The following SCN8A variants were observed in gnomAD, a reference collection of about 807,000 sequenced individuals.
SCN8A encodes sodium voltage-gated channel alpha subunit 8.
In SCN8A, 30 loss-of-function variants were observed where a neutral mutation model predicts 184.1. That is an observed-to-expected ratio of 0.16 (90% confidence interval 0.12 to 0.22). The LOEUF (loss-of-function observed/expected upper bound fraction) is 0.22, where lower values mean the gene tolerates loss of function less well. Ranked by LOEUF, SCN8A falls within the 10% of genes least tolerant of loss-of-function variation. The pLI is 1.00. For missense variants in SCN8A, 1,057 were observed against 2,498.9 expected, an observed-to-expected ratio of 0.42 and a Z score of 12.30; for synonymous variants, 852 against 907.0, an observed-to-expected ratio of 0.94 and a Z score of 1.09.
At chr12:51,796,528 A>G (rs950765447) in intron 26 of SCN8A, among the ~76,000 whole-genome samples, 4 of 152,224 alleles carry the variant, frequency 2.6e-5, no homozygotes, top group African/African-American at 9.6e-5. Context: ...AAGTATAGAA[A>G]TCATCTTTTT....
At chr12:51,781,740 G>C (rs900684208) in intron 21 of SCN8A, among the ~76,000 whole-genome samples, 4 of 152,118 alleles carry the variant, frequency 2.6e-5, no homozygotes, top group African/African-American at 9.7e-5. Flanking sequence ...GTCCTGTGGT[G>C]ATCAGAGAGA....
intron 6 of SCN8A, among the ~76,000 whole-genome samples, chr12:51,696,412 T>G (rs1941593551): frequency 6.6e-6 from 1 of 152,236 alleles, no homozygotes; most frequent in South Asian, 2.1e-4. Context: ...TCTCTGTTCC[T>G]TAGCAACTAA....
chr12:51,620,243 A>C (rs1939930913), intron 1 of SCN8A, among the ~76,000 whole-genome samples: 1 of 152,354 alleles, frequency 6.6e-6, no homozygotes, highest in South Asian at 2.1e-4. Context: ...CTAGTGACCA[A>C]AAATCAGATC....
At chr12:51,705,171 T>C (rs1420470300) in intron 9 of SCN8A, among the ~76,000 whole-genome samples, 1 of 152,110 alleles carries the variant, frequency 6.6e-6, no homozygotes, top group African/African-American at 2.4e-5. Context: ...TATTTAGAAA[T>C]GAGAGGGGAT....
At chr12:51,787,915 A>G (rs1938132481) in intron 22 of SCN8A, among the ~76,000 whole-genome samples, 1 of 152,236 alleles carries the variant, frequency 6.6e-6, no homozygotes, top group Admixed American at 6.5e-5. Context: ...GCATCTCCAG[A>G]AAACCAGTGC....
intron 11 of SCN8A, among the ~76,000 whole-genome samples, chr12:51,707,259 G>T (rs1406312968): frequency 6.6e-6 from 1 of 151,656 alleles, no homozygotes; most frequent in Non-Finnish European, 1.5e-5. Flanking sequence ...GTATTATTCA[G>T]GGTTCTCTAA....
chr12:51,734,909 G>A (rs987606388), intron 12 of SCN8A, among the ~76,000 whole-genome samples: 1 of 152,220 alleles, frequency 6.6e-6, no homozygotes, highest in African/African-American at 2.4e-5. Context: ...CTGCTAATTT[G>A]TCTGCAGCGC....
At chr12:51,708,687 A>T (rs1170565168) in intron 11 of SCN8A, among the ~76,000 whole-genome samples, 1 of 151,826 alleles carries the variant, frequency 6.6e-6, no homozygotes, top group African/African-American at 2.4e-5. Context: ...CCTTAACCTT[A>T]TCTTAGTTTT....
chr12:51,620,876 A>C (rs999159512), intron 1 of SCN8A, among the ~76,000 whole-genome samples: 13 of 151,376 alleles, frequency 8.6e-5, no homozygotes, highest in African/African-American at 2.2e-4. Context: ...GGTCCCAGCT[A>C]CTCGGGAGGC....
At chr12:51,694,290 C>T (rs1273866177) in intron 6 of SCN8A, among the ~76,000 whole-genome samples, 5 of 152,172 alleles carry the variant, frequency 3.3e-5, no homozygotes, top group African/African-American at 1.2e-4. Context: ...CCCCAATATG[C>T]TTGACTGATT....
chr12:51,722,230 G>T (rs1286654067), intron 12 of SCN8A: 2 of 457,126 alleles, frequency 4.4e-6, no homozygotes, highest in South Asian at 2.9e-5. Context: ...TTATTTTACC[G>T]TTTTCTTTCT....
intron 19 of SCN8A, among the ~76,000 whole-genome samples, chr12:51,771,941 T>C (rs1942931780): frequency 6.6e-6 from 1 of 152,250 alleles, no homozygotes; most frequent in Non-Finnish European, 1.5e-5. Flanking sequence ...TTGGCTCTTC[T>C]CTTTCCCATC....
At chr12:51,700,825 A>G (rs1180711626) in intron 7 of SCN8A, among the ~76,000 whole-genome samples, 1 of 152,234 alleles carries the variant, frequency 6.6e-6, no homozygotes, top group African/African-American at 2.4e-5. Context: ...AAAGGGGTGT[A>G]CAACTCAGAA....
intron 2 of SCN8A, among the ~76,000 whole-genome samples, chr12:51,666,609 A>T (rs1941038170): frequency 6.6e-6 from 1 of 152,214 alleles, no homozygotes; most frequent in Admixed American, 6.5e-5. Flanking sequence ...GCTAAATGAT[A>T]CCAGTGGAAT....
In SCN8A at chr12:51,781,884, G is replaced by A. The variant is rs770567752; in HGVS notation, c.3942+1113G>A. The stretch of plus-strand genomic sequence containing the variant: ...GTAAGAATAAAAATTAAACTGTTAC[G>A]ATAGTCTACGTGAAGCAAGACCGAT... On this transcript the variant is annotated intron_variant, in intron 21 of 26. Coordinates refer to ENST00000627620, the MANE Select transcript of SCN8A (RefSeq NM_001330260.2). Among the ~76,000 whole-genome samples the A allele has an allele frequency of 1.7e-4, 26 of 152,134 alleles. 1 individual carries two copies. Among genetic ancestry groups the A allele is most frequent in the South Asian group, 2.1e-4 (1 of 4,818 alleles).
intron 12 of SCN8A, among the ~76,000 whole-genome samples, chr12:51,731,898 C>T (rs1343016822): frequency 2.0e-5 from 3 of 152,070 alleles, no homozygotes; most frequent in Non-Finnish European, 4.4e-5. Context: ...AAATCTTTTG[C>T]CAGTTTTTAA....
At chr12:51,728,193 T>C (rs1188151511) in intron 12 of SCN8A, among the ~76,000 whole-genome samples, 3 of 152,200 alleles carry the variant, frequency 2.0e-5, no homozygotes, top group Admixed American at 6.5e-5. Flanking sequence ...GGTGAATATA[T>C]GTTTGCCCTC....
chr12:51,654,076 A>G (rs1421321512), intron 1 of SCN8A, among the ~76,000 whole-genome samples: 2 of 152,066 alleles, frequency 1.3e-5, no homozygotes, highest in Non-Finnish European at 2.9e-5. Flanking sequence ...GGAGTTCTTT[A>G]TATATTCTGG....
intron 1 of SCN8A, among the ~76,000 whole-genome samples, chr12:51,599,265 A>G (rs1939413710): frequency 6.6e-6 from 1 of 152,240 alleles, no homozygotes; most frequent in African/African-American, 2.4e-5. Context: ...TAAATAAGAA[A>G]AGATTTTCAT....
Sources: gnomAD v4.1 joint callset for allele counts (sites outside exome capture counted in the v4.1 genomes callset) on GRCh38, gnomAD v4.1.1 for gene constraint, MANE v1.5 for transcripts, NCBI Gene and HGNC (gene_info 2026-07-23, HGNC 2026-07-21) for gene names.